Variants in MLIP observed in about 807,000 individuals in gnomAD.
MLIP encodes muscular LMNA interacting protein, also known as muscular LMNA-interacting protein.
A neutral mutation model predicts 84.8 loss-of-function variants in MLIP; 79 were observed. The observed-to-expected ratio is 0.93, with a 90% CI of 0.78 to 1.12. The LOEUF (loss-of-function observed/expected upper bound fraction) is 1.12. MLIP is among the 50% of genes most tolerant of loss of function. MLIP has a pLI of 0.00. For missense variants in MLIP, 1,257 were observed against 1,160.6 expected (o/e 1.08, Z -1.21); for synonymous variants, 504 against 463.0 (o/e 1.09, Z -1.14).
intron 1 of MLIP, among the ~76,000 whole-genome samples, chr6:54,070,015 A>G: frequency 6.6e-6 from 1 of 151,310 alleles, no homozygotes. Flanking sequence ...GGGTTTTAAA[A>G]TTTTTGTCAC....
At chr6:54,223,734 C>T (rs144868839) in intron 11 of MLIP, among the ~76,000 whole-genome samples, 85 of 152,016 alleles carry the variant, frequency 5.6e-4, no homozygotes, top group Middle Eastern at 3.4e-3. Context: ...GGCTTGCATA[C>T]GACTTCTGAT....
chr6:54,213,518 A>G (rs180815323), intron 11 of MLIP, among the ~76,000 whole-genome samples: 59 of 152,054 alleles, frequency 3.9e-4, no homozygotes, highest in Non-Finnish European at 7.2e-4. Context: ...CCTGGCCAAC[A>G]TGGTGAAACC....
intron 13 of MLIP, among the ~76,000 whole-genome samples, chr6:54,264,494 AT>A (rs1056563434): frequency 6.6e-6 from 1 of 152,076 alleles, no homozygotes. Flanking sequence ...CTGAGCTTCA[AT>A]TTTATTCTTT....
At chr6:54,039,383 T>C (rs1365506182) in intron 1 of MLIP, among the ~76,000 whole-genome samples, 1 of 151,884 alleles carries the variant, frequency 6.6e-6, no homozygotes, top group African/African-American at 2.4e-5. Flanking sequence ...TTAAAATGGG[T>C]GAATGCTACT....
rs182736971 is a variant in MLIP at position 54,233,341 on chromosome 6, C to G, written c.2922+2424C>G. Reference sequence around the variant, plus strand: ...TATCCCTCTCCTAGCCCCCCACCCCCCAACAGGCCCCAGTGTGTGATGTTC... The same window carrying G: ...TATCCCTCTCCTAGCCCCCCACCCCGCAACAGGCCCCAGTGTGTGATGTTC... On this transcript the variant is annotated intron_variant, in intron 12 of 13. Transcript: ENST00000502396. Among the ~76,000 whole-genome samples the G allele has an allele frequency of 1.8e-3, 280 of 152,046 alleles. 2 individuals carry two copies. Among genetic ancestry groups the G allele is most frequent in the Admixed American group, 0.017 (257 of 15,270 alleles).
chr6:54,130,529 CATCTGCTAGACATTTTATTTATTT>C (rs1771290906), intron 3 of MLIP, among the ~76,000 whole-genome samples: 3 of 152,168 alleles, frequency 2.0e-5, no homozygotes, highest in Admixed American at 6.6e-5. Context: ...TCTGTTCCTT[CATCTGCTAGACATTTTATTTATTT>C]ATTTTTTATT....
At chr6:54,156,189 A>T (rs1194636947) in intron 5 of MLIP, among the ~76,000 whole-genome samples, 1 of 152,106 alleles carries the variant, frequency 6.6e-6, no homozygotes, top group East Asian at 1.9e-4. Flanking sequence ...AGTGGTGTAT[A>T]TCACAATGAT....
At chr6:54,054,295 C>T (rs1477501035) in intron 1 of MLIP, among the ~76,000 whole-genome samples, 1 of 152,144 alleles carries the variant, frequency 6.6e-6, no homozygotes, top group East Asian at 1.9e-4. Flanking sequence ...GCTCCACACC[C>T]TGTAATAGAT....
intron 12 of MLIP, among the ~76,000 whole-genome samples, chr6:54,251,249 A>G (rs73741495): frequency 0.035 from 5,247 of 151,374 alleles, 302 homozygotes; most frequent in African/African-American, 0.12. Context: ...AACCTGTGGT[A>G]GCATCAGCAC....
At chr6:54,227,632 A>C (rs73741478) in intron 11 of MLIP, among the ~76,000 whole-genome samples, 3,909 of 152,304 alleles carry the variant, frequency 0.026, 147 homozygotes, top group African/African-American at 0.086. Context: ...ATCGGAAATC[A>C]AAATGGCTGG....
intron 11 of MLIP, among the ~76,000 whole-genome samples, chr6:54,225,850 A>C (rs1305722699): frequency 6.6e-6 from 1 of 152,222 alleles, no homozygotes; most frequent in African/African-American, 2.4e-5. Flanking sequence ...ATTTCCTTAA[A>C]ATTATTGTAA....
chr6:54,034,410 T>C (rs1486325629), intron 1 of MLIP, among the ~76,000 whole-genome samples: 2 of 152,220 alleles, frequency 1.3e-5, no homozygotes, highest in African/African-American at 4.8e-5. Flanking sequence ...ATGAACTGCA[T>C]ATATGATGGT....
At chr6:54,117,077 G>T (rs982910124) in intron 1 of MLIP, among the ~76,000 whole-genome samples, 12 of 152,042 alleles carry the variant, frequency 7.9e-5, no homozygotes, top group Non-Finnish European at 1.8e-4. Context: ...AACAAATTAG[G>T]TATAGACAGA....
intron 12 of MLIP, among the ~76,000 whole-genome samples, chr6:54,236,049 T>C (rs1279212346): frequency 6.6e-6 from 1 of 152,210 alleles, no homozygotes; most frequent in East Asian, 1.9e-4. Flanking sequence ...CTCAGAACCA[T>C]TCTCTTGGAT....
intron 8 of MLIP, among the ~76,000 whole-genome samples, chr6:54,165,405 T>C (rs1406303985): frequency 6.6e-6 from 1 of 151,886 alleles, no homozygotes; most frequent in Non-Finnish European, 1.5e-5. Flanking sequence ...AACCTATAGT[T>C]AACTATTTTC....
At position 54,137,402 on chromosome 6, in the gene MLIP, G is replaced by C; in HGVS notation, c.1333G>C (p.Ala445Pro). 6.5e-7 allele frequency: 1 copy of C among 1,535,620 alleles called. No individual in the cohort carries two copies. The highest frequency in any genetic ancestry group is 8.7e-7 in the Non-Finnish European group (1 of 1,146,774). The change falls in exon 4 of 14, where the codon GCC becomes CCC. Residue 445 changes from alanine (A) to proline (P), a missense_variant. Ala to Pro is a conservative substitution (Grantham distance 27). Transcript: ENST00000502396. ...SCPTFSLNSP[A>P]SSTLTLDQKE... Reference sequence around the variant, plus strand: ...TCCCACCTTCTCTCTCAACTCCCCGGCCTCTTCCACGCTCACACTTGACCA... The same window carrying C: ...TCCCACCTTCTCTCTCAACTCCCCGCCCTCTTCCACGCTCACACTTGACCA...
At chr6:54,240,239 T>G (rs1268005399) in intron 12 of MLIP, among the ~76,000 whole-genome samples, 1 of 152,230 alleles carries the variant, frequency 6.6e-6, no homozygotes, top group African/African-American at 2.4e-5. Flanking sequence ...GCTTTATACA[T>G]TTTTTAGCAT....
At chr6:54,026,265 A>G (rs1272792124) in intron 1 of MLIP, among the ~76,000 whole-genome samples, 4 of 152,228 alleles carry the variant, frequency 2.6e-5, no homozygotes, top group African/African-American at 2.4e-5. Context: ...ATGTTCTCCA[A>G]ATAACTGAGA....
At chr6:54,264,564 T>A (rs546969274) in intron 13 of MLIP, among the ~76,000 whole-genome samples, 2 of 152,222 alleles carry the variant, frequency 1.3e-5, no homozygotes, top group African/African-American at 4.8e-5. Context: ...GTGCTTAGCA[T>A]ATAAAATACA....
Sources: gnomAD v4.1 joint callset for allele counts (sites outside exome capture counted in the v4.1 genomes callset) on GRCh38, gnomAD v4.1.1 for gene constraint, MANE v1.5 for transcripts, NCBI Gene and HGNC (gene_info 2026-07-23, HGNC 2026-07-21) for gene names.